Variants in ACTR3 observed in about 807,000 individuals in gnomAD.
ACTR3 encodes the protein actin related protein 3, also known as actin-related protein 3.
ACTR3 carries 12 observed loss-of-function variants against 56.8 expected under a neutral mutation model. The ratio of observed to expected loss-of-function variants is 0.21; its 90% CI spans 0.14 to 0.34. The LOEUF (loss-of-function observed/expected upper bound fraction) is 0.34, where lower values mean the gene tolerates loss of function less well. ACTR3 is among the 10% of genes least tolerant of loss of function. ACTR3 has a pLI of 1.00. For synonymous variants in ACTR3, 162 were observed against 167.4 expected (o/e 0.97, Z 0.25); for missense variants, 282 against 512.5 (o/e 0.55, Z 4.34).
At chr2:113,938,351 A>G (rs1679865396) in intron 6 of ACTR3, among the ~76,000 whole-genome samples, 1 of 152,056 alleles carries the variant, frequency 6.6e-6, no homozygotes, top group South Asian at 2.1e-4. Context: ...GCTTCCTTGC[A>G]TGCTTATAAT....
rs563880146 is a variant in ACTR3 at position 113,911,179 on chromosome 2, C to G, written c.45-1993C>G. On this transcript the variant is annotated intron_variant, in intron 1 of 11. Transcript: ENST00000263238. ...ATGAGTTGGAGTGTTGAGAAATTGT[C>G]AGCTGTTTTTATGGTTAGGGAGTTT... Among the ~76,000 whole-genome samples, 19 of 152,108 alleles carry G rather than the reference C, an allele frequency of 1.2e-4. 1 individual carries two copies. Among genetic ancestry groups the G allele is most frequent in the Admixed American group, 4.6e-4 (7 of 15,280 alleles).
intron 6 of ACTR3, among the ~76,000 whole-genome samples, chr2:113,939,417 C>T (rs1679886186): frequency 6.6e-6 from 1 of 152,150 alleles, no homozygotes; most frequent in Non-Finnish European, 1.5e-5. Flanking sequence ...TGAAGGCATC[C>T]TTAATATTCT....
At chr2:113,917,527 A>AACAAATCT (rs752700470) in intron 3 of ACTR3, among the ~76,000 whole-genome samples, 113 of 152,314 alleles carry the variant, frequency 7.4e-4, no homozygotes, top group Middle Eastern at 6.8e-3. Context: ...AAAGAAACAG[A>AACAAATCT]ACAAATCTAG....
At chr2:113,946,290 C>G (rs1680018531) in intron 8 of ACTR3, among the ~76,000 whole-genome samples, 1 of 151,850 alleles carries the variant, frequency 6.6e-6, no homozygotes, top group African/African-American at 2.4e-5. Flanking sequence ...GCTTTGCCAG[C>G]ACCTTTTTTT....
chr2:113,900,301 C>T (rs1679077583), intron 1 of ACTR3, among the ~76,000 whole-genome samples: 1 of 152,178 alleles, frequency 6.6e-6, no homozygotes, highest in Non-Finnish European at 1.5e-5. Flanking sequence ...CCTCTACCCT[C>T]AACCCTTAGC....
intron 3 of ACTR3, among the ~76,000 whole-genome samples, chr2:113,921,132 A>T (rs2104600001): frequency 6.6e-6 from 1 of 151,356 alleles, no homozygotes; most frequent in African/African-American, 2.4e-5. Flanking sequence ...AGCATTTGTG[A>T]TTTTTTTTGT....
At chr2:113,931,031 T>C (rs1337722806) in intron 4 of ACTR3, among the ~76,000 whole-genome samples, 1 of 152,158 alleles carries the variant, frequency 6.6e-6, no homozygotes, top group African/African-American at 2.4e-5. Flanking sequence ...GCTTCATTTC[T>C]TTTTAATGTT....
Position 113,890,235 on chromosome 2 carries a change from G to A in ACTR3, c.-45G>A, listed in dbSNP as rs545600121. On this transcript the variant is annotated 5_prime_UTR_variant, in exon 1 of 12. Coordinates refer to ENST00000263238, the MANE Select transcript of ACTR3 (RefSeq NM_005721.5). ...CGCCGCCAATCTCTGGCCCCTAGCA[G>A]CACGGAGCAGACGGCGGCAGCAGCA... 6.4e-7 allele frequency: 1 copy of A among 1,551,184 alleles called. No homozygotes were observed. Among genetic ancestry groups the A allele is most frequent in the Non-Finnish European group, 8.7e-7 (1 of 1,146,720 alleles).
At chr2:113,927,516 T>G in intron 4 of ACTR3, 61 bp downstream of exon 4, 1 of 1,041,308 alleles carries the variant, frequency 9.6e-7, no homozygotes, top group South Asian at 1.5e-5. Flanking sequence ...GAGAACATTT[T>G]CATCATACTT....
chr2:113,890,249 G>A lies in ACTR3; in HGVS notation c.-31G>A, dbSNP rs1678858357. ...GGCCCCTAGCAGCACGGAGCAGACG[G>A]CGGCAGCAGCAGCAGCAGGCGAGGA... On this transcript the variant is annotated 5_prime_UTR_variant, in exon 1 of 12. Coordinates refer to ENST00000263238, the MANE Select transcript of ACTR3 (RefSeq NM_005721.5). 6.4e-7 allele frequency: 1 copy of A among 1,551,280 alleles called. No homozygotes were observed. The highest frequency in any genetic ancestry group is 8.7e-7 in the Non-Finnish European group (1 of 1,146,822).
At chr2:113,923,038 TC>T (rs1236520967) in intron 3 of ACTR3, among the ~76,000 whole-genome samples, 1 of 152,210 alleles carries the variant, frequency 6.6e-6, no homozygotes, top group Admixed American at 6.5e-5. Flanking sequence ...AGGCCAGAGT[TC>T]CTTTCCACTG....
rs917238030 is a variant in ACTR3 at position 113,939,344 on chromosome 2, T to C, written c.541-615T>C. On this transcript the variant is annotated intron_variant, in intron 6 of 11. Coordinates refer to ENST00000263238, the MANE Select transcript of ACTR3 (RefSeq NM_005721.5). Reference sequence around the variant, plus strand: ...GCCGAAAACCTTTATTTCTTATAAATTGTCCTGTTTTCTCTTTAAATTGAG... The same window carrying C: ...GCCGAAAACCTTTATTTCTTATAAACTGTCCTGTTTTCTCTTTAAATTGAG... Among the ~76,000 whole-genome samples, 4 of 152,190 alleles carry C rather than the reference T, an allele frequency of 2.6e-5. No homozygotes were observed. In the South Asian group the frequency reaches 8.3e-4, roughly 32 times the overall value.
intron 8 of ACTR3, among the ~76,000 whole-genome samples, chr2:113,943,801 T>C (rs1272951827): frequency 6.6e-6 from 1 of 152,220 alleles, no homozygotes; most frequent in Non-Finnish European, 1.5e-5. Flanking sequence ...GAGTTTATTA[T>C]ATGCATCTTT....
chr2:113,921,045 C>G (rs1027780100), intron 3 of ACTR3, among the ~76,000 whole-genome samples: 2 of 152,150 alleles, frequency 1.3e-5, no homozygotes, highest in African/African-American at 4.8e-5. Context: ...AGCCTCTGTA[C>G]TATGCTTTAT....
chr2:113,914,685 T>C (rs960714873), intron 2 of ACTR3, among the ~76,000 whole-genome samples: 3 of 143,058 alleles, frequency 2.1e-5, no homozygotes, highest in Non-Finnish European at 3.1e-5. Flanking sequence ...AAAGGGGAAA[T>C]GGTTTTAGGG....
intron 10 of ACTR3, chr2:113,953,687 T>TACACAC (rs150630319): frequency 7.0e-6 from 1 of 143,548 alleles, no homozygotes; most frequent in Non-Finnish European, 1.6e-5. Context: ...TAGGTGTGTG[T>TACACAC]ACACACACAC....
intron 7 of ACTR3, among the ~76,000 whole-genome samples, chr2:113,941,538 A>G (rs1026500879): frequency 6.6e-6 from 1 of 152,230 alleles, no homozygotes; most frequent in East Asian, 1.9e-4. Context: ...AAAATACTGG[A>G]AAAGGAAGTT....
chr2:113,917,734 A>T (rs1372248148), intron 3 of ACTR3, among the ~76,000 whole-genome samples: 2 of 152,192 alleles, frequency 1.3e-5, no homozygotes, highest in Non-Finnish European at 2.9e-5. Flanking sequence ...ATACTTTGCC[A>T]TGTATCGTGA....
intron 2 of ACTR3, 55 bp downstream of exon 2, chr2:113,913,282 A>G (rs1679341398): frequency 2.3e-5 from 30 of 1,279,748 alleles, no homozygotes; most frequent in Non-Finnish European, 2.9e-5. Flanking sequence ...CCCTTCCCTA[A>G]TAATTTAAGT....
Sources: allele counts gnomAD v4.1 joint callset (sites outside exome capture counted in the v4.1 genomes callset), GRCh38; gene constraint gnomAD v4.1.1; transcripts MANE v1.5; gene names NCBI Gene and HGNC (gene_info 2026-07-23, HGNC 2026-07-21).